The following SLC15A5 variants were observed in gnomAD, a reference collection of about 807,000 sequenced individuals.
SLC15A5 encodes the protein Peptide/histidine transporter ENSP00000340402.
Under a neutral mutation model 56.1 loss-of-function variants are expected in SLC15A5, and 58 were observed. That is an observed-to-expected ratio of 1.03 (90% CI 0.84 to 1.29). SLC15A5 has a LOEUF of 1.29. Among genes scored for constraint, SLC15A5 ranks in the 50% most tolerant of loss-of-function variants. SLC15A5 has a pLI of 0.00. For missense variants in SLC15A5, 681 were observed against 672.1 expected (o/e 1.01, Z -0.15); for synonymous variants, 264 against 250.5 (o/e 1.05, Z -0.51).
At chr12:16,266,471 T>G (rs3915237) in intron 2 of SLC15A5, among the ~76,000 whole-genome samples, 44,262 of 152,032 alleles carry the variant, frequency 0.29, 6,716 homozygotes, top group South Asian at 0.39. Flanking sequence ...GTACTGAATA[T>G]GTATGTCTAG....
At chr12:16,219,840 G>A (rs906938208) in intron 6 of SLC15A5, among the ~76,000 whole-genome samples, 1 of 151,902 alleles carries the variant, frequency 6.6e-6, no homozygotes, top group African/African-American at 2.4e-5. Context: ...TAAAGTTCCC[G>A]TTTTTCTATG....
chr12:16,270,034 G>A (rs1368431151), intron 2 of SLC15A5, among the ~76,000 whole-genome samples: 1 of 152,202 alleles, frequency 6.6e-6, no homozygotes, highest in African/African-American at 2.4e-5. Context: ...ACACAAGGAT[G>A]TTGGCAGATT....
chr12:16,244,041 G>A (rs1390639618), intron 4 of SLC15A5, among the ~76,000 whole-genome samples: 1 of 152,116 alleles, frequency 6.6e-6, no homozygotes, highest in Non-Finnish European at 1.5e-5. Flanking sequence ...AAGGTACTTT[G>A]GGCTTTGTAT....
intron 2 of SLC15A5, among the ~76,000 whole-genome samples, chr12:16,266,261 C>A (rs1041518236): frequency 1.2e-4 from 18 of 152,252 alleles, no homozygotes; most frequent in African/African-American, 4.1e-4. Flanking sequence ...GAGCCAAAAG[C>A]ACTGTTACAG....
intron 3 of SLC15A5, among the ~76,000 whole-genome samples, chr12:16,248,546 C>A (rs928838395): frequency 2.6e-5 from 4 of 152,014 alleles, no homozygotes; most frequent in Admixed American, 6.6e-5. Context: ...GCAAGAGAGT[C>A]CAAGAAAAGG....
At position 16,244,548 on chromosome 12, in the gene SLC15A5, T is replaced by C. The variant is rs375392516; in HGVS notation, c.975+32A>G. 5.6e-5 allele frequency: 85 copies of C among 1,510,912 alleles called. No individual in the cohort carries two copies. In the African/African-American group the frequency reaches 1.1e-3, roughly 20 times the overall value. 93.6% of individuals were successfully genotyped at this position (1,510,912 alleles called of 1,614,324 possible). On this transcript the variant is annotated intron_variant, in intron 4 of 8. Coordinates refer to ENST00000344941, the MANE Select transcript of SLC15A5 (RefSeq NM_001170798.1). ...CTGTTGACATGCAATCACTTTCCTG[T>C]TGTTGGGGTAGTACTCATCGCCTGT...
At chr12:16,193,944 GA>G (rs148877116) in intron 8 of SLC15A5, among the ~76,000 whole-genome samples, 24,785 of 151,072 alleles carry the variant, frequency 0.16, 2,403 homozygotes, top group Middle Eastern at 0.22. Context: ...AATTGACCTT[GA>G]AATGGTCACT....
At chr12:16,249,227 A>C (rs1450045023) in intron 3 of SLC15A5, among the ~76,000 whole-genome samples, 3 of 152,104 alleles carry the variant, frequency 2.0e-5, no homozygotes, top group Non-Finnish European at 4.4e-5. Flanking sequence ...GCTAAACATA[A>C]TGAAATGCAT....
intron 3 of SLC15A5, among the ~76,000 whole-genome samples, chr12:16,254,032 C>T (rs1162841775): frequency 6.6e-6 from 1 of 151,996 alleles, no homozygotes; most frequent in Non-Finnish European, 1.5e-5. Context: ...TAGACACATC[C>T]CACATGTCCA....
chr12:16,217,816 T>A (rs146197939), intron 6 of SLC15A5, among the ~76,000 whole-genome samples: 9 of 152,120 alleles, frequency 5.9e-5, no homozygotes, highest in African/African-American at 2.2e-4. Flanking sequence ...AGCTTAAGCA[T>A]TGGTTCTCCA....
In SLC15A5 at chr12:16,189,714, A is replaced by C; in HGVS notation, c.1694T>G (p.Ile565Arg). ...ATCAATACTTGAAGAAAATTCCTGT[A>C]TACTGCCATAAAATTTCAGAGATTT... ...HEKSLKFYGS[I>R]QEFSSSIDLW... The change falls in exon 9 of 9, where the codon ATA (isoleucine) becomes AGA (arginine). Residue 565 changes from isoleucine (I) to arginine (R), a missense_variant. Coordinates refer to ENST00000344941, the MANE Select transcript of SLC15A5 (RefSeq NM_001170798.1). The C allele has an allele frequency of 1.3e-6, 2 of 1,530,980 alleles. No homozygotes were observed. The highest frequency in any genetic ancestry group is 1.2e-5 in the South Asian group (1 of 82,558). The allele number at this position is 1,530,980 out of a possible 1,614,324, so 94.8% of individuals were successfully genotyped here.
At chr12:16,223,957 C>T (rs558984074) in intron 6 of SLC15A5, among the ~76,000 whole-genome samples, 51 of 152,142 alleles carry the variant, frequency 3.4e-4, no homozygotes, top group Non-Finnish European at 6.9e-4. Context: ...ACCTCGTGAT[C>T]CACCTGCCTT....
chr12:16,189,923 A>G (rs1863825012), intron 8 of SLC15A5, 108 bp from the exon 9 acceptor site: 2 of 779,270 alleles, frequency 2.6e-6, no homozygotes, highest in South Asian at 6.0e-5. Flanking sequence ...GCTCATAGAT[A>G]CTGGCACAAC....
intron 6 of SLC15A5, among the ~76,000 whole-genome samples, chr12:16,217,969 GTA>G (rs1460064648): frequency 1.2e-4 from 18 of 152,074 alleles, no homozygotes; most frequent in Non-Finnish European, 7.4e-5. Context: ...ATGAAAATAA[GTA>G]TATGAGATTT....
At position 16,277,569 on chromosome 12, in the gene SLC15A5, T is replaced by G; in HGVS notation, c.117A>C (p.Lys39Asn). 6.5e-7 allele frequency: 1 copy of G among 1,536,554 alleles called. No individual in the cohort carries two copies. The highest frequency in any genetic ancestry group is 8.7e-7 in the Non-Finnish European group (1 of 1,146,456). ...GAAGCAAGCAGATTCCAACCTGAAT[T>G]TTTTTCACAGAGTGTGAGGAACACA... ...GDLCSSHSVKKIQVGICLLLV... is the reference protein window; with the variant it reads ...GDLCSSHSVKNIQVGICLLLV... Residue 39 changes from lysine to asparagine, a missense_variant, in exon 1 of 9, where the codon AAA (lysine) becomes AAC (asparagine). Physicochemically the swap from Lys to Asn is moderately conservative, Grantham distance 94 (BLOSUM62 0). Coordinates refer to ENST00000344941, the MANE Select transcript of SLC15A5 (RefSeq NM_001170798.1).
chr12:16,230,773 A>AG (rs1864288923), intron 5 of SLC15A5, among the ~76,000 whole-genome samples: 1 of 136,552 alleles, frequency 7.3e-6, no homozygotes, highest in African/African-American at 2.8e-5. Context: ...AAAAAAAAAA[A>AG]ATAGCCGGGC....
chr12:16,264,108 A>G (rs949227350), intron 2 of SLC15A5, among the ~76,000 whole-genome samples: 1 of 152,206 alleles, frequency 6.6e-6, no homozygotes. Context: ...GTGTGCCTGG[A>G]AAAGCAGCAG....
intron 4 of SLC15A5, among the ~76,000 whole-genome samples, chr12:16,240,666 G>C (rs960919965): frequency 6.6e-6 from 1 of 152,036 alleles, no homozygotes; most frequent in African/African-American, 2.4e-5. Flanking sequence ...CTCTAACACT[G>C]ATTTGGAGCC....
At chr12:16,226,985 C>T (rs1864248385) in intron 5 of SLC15A5, among the ~76,000 whole-genome samples, 1 of 151,994 alleles carries the variant, frequency 6.6e-6, no homozygotes, top group Non-Finnish European at 1.5e-5. Context: ...GTTTAAATAG[C>T]TTAGTGTTTG....
Sources: gnomAD v4.1 joint callset for allele counts (sites outside exome capture counted in the v4.1 genomes callset) on GRCh38, gnomAD v4.1.1 for gene constraint, MANE v1.5 for transcripts, NCBI Gene and HGNC (gene_info 2026-07-23, HGNC 2026-07-21) for gene names.